The following AR variants were observed in gnomAD, a reference collection of about 807,000 sequenced individuals.
AR encodes androgen receptor.
In AR, 8 loss-of-function variants were observed where a neutral mutation model predicts 53.9. The ratio of observed to expected loss-of-function variants is 0.15; its 90% confidence interval spans 0.09 to 0.27. AR has a LOEUF of 0.27. Among genes scored for constraint, AR ranks in the 10% least tolerant of loss-of-function variants. The probability of loss-of-function intolerance (pLI) is 1.00; values close to 1 mark genes in which losing one functional copy is unlikely to be tolerated. For missense variants in AR, 639 were observed against 742.5 expected, an observed-to-expected ratio of 0.86 and a Z score of 1.62; for synonymous variants, 359 against 316.4, an observed-to-expected ratio of 1.13 and a Z score of -1.43.
At chrX:67,620,224 CACAG>C (rs1005618752) in intron 1 of AR, among the ~76,000 whole-genome samples, 13 of 110,552 alleles carry the variant, frequency 1.2e-4, no homozygotes, top group African/African-American at 3.6e-4. Flanking sequence ...TTTTCCCTGC[CACAG>C]ACAAAGTCAC....
At chrX:67,659,290 A>T in intron 2 of AR, among the ~76,000 whole-genome samples, 1 of 110,118 alleles carries the variant, frequency 9.1e-6, no homozygotes, top group Non-Finnish European at 1.9e-5. Context: ...ATATGTATAC[A>T]TGTGCCATGT....
At chrX:67,630,220 C>T (rs1418623658) in intron 1 of AR, among the ~76,000 whole-genome samples, 7 of 110,750 alleles carry the variant, frequency 6.3e-5, no homozygotes. Context: ...GTTGATCTGT[C>T]TAATGTTGAC....
At chrX:67,596,697 C>G (rs751381959) in intron 1 of AR, among the ~76,000 whole-genome samples, 1 of 111,749 alleles carries the variant, frequency 8.9e-6, no homozygotes, top group South Asian at 3.8e-4. Flanking sequence ...TTTAAGCATA[C>G]ATAGACTAGT....
At chrX:67,650,378 T>C (rs1926277727) in intron 2 of AR, among the ~76,000 whole-genome samples, 1 of 112,159 alleles carries the variant, frequency 8.9e-6, no homozygotes, top group African/African-American at 3.2e-5. Flanking sequence ...CAGAAGCTTC[T>C]TCAGTCCTTT....
intron 1 of AR, among the ~76,000 whole-genome samples, chrX:67,609,800 T>C (rs1247564909): frequency 1.8e-5 from 2 of 111,808 alleles, no homozygotes; most frequent in Non-Finnish European, 3.8e-5. Context: ...CTCCGAAATG[T>C]TGGAAAAACT....
At chrX:67,591,499 T>C (rs912062255) in intron 1 of AR, among the ~76,000 whole-genome samples, 1 of 111,467 alleles carries the variant, frequency 9.0e-6, no homozygotes, top group Non-Finnish European at 1.9e-5. Flanking sequence ...CCTACCTCCA[T>C]TGCGGATGAA....
intron 3 of AR, chrX:67,695,668 A>G: frequency 1.3e-6 from 1 of 752,510 alleles, no homozygotes; most frequent in South Asian, 6.8e-5. Flanking sequence ...GGAAACACAC[A>G]TGTGAGAGTC....
intron 2 of AR, among the ~76,000 whole-genome samples, chrX:67,660,757 A>C (rs867012621): frequency 5.4e-5 from 6 of 111,982 alleles, no homozygotes; most frequent in South Asian, 3.8e-4. Flanking sequence ...GAAGAAAGTC[A>C]TGGGTAGCTT....
intron 3 of AR, among the ~76,000 whole-genome samples, chrX:67,696,551 C>T (rs2076021533): frequency 8.9e-6 from 1 of 111,865 alleles, no homozygotes; most frequent in African/African-American, 3.3e-5. Flanking sequence ...ACTAAATAGT[C>T]CAACATAAAC....
rs1338071304 is a variant in AR, at chrX:67,588,226, C to G, written c.1616+41464C>G. Among the ~76,000 whole-genome samples the G allele has an allele frequency of 2.7e-5, 3 of 112,119 alleles. No individual in the cohort carries two copies. The East Asian group carries it at 8.4e-4, about 32-fold the overall frequency. On this transcript the variant is annotated intron_variant, in intron 1 of 7. Transcript: ENST00000374690. ...TACTGCTTCTTGTACCCAAATCCAT[C>G]TCAAGGGTGAGTAGACCAGGCTCAG...
intron 1 of AR, among the ~76,000 whole-genome samples, chrX:67,612,835 C>G (rs1224768090): frequency 2.7e-5 from 3 of 112,197 alleles, no homozygotes; most frequent in African/African-American, 9.7e-5. Context: ...CTAATCCTTC[C>G]CTTATCTCCA....
At chrX:67,551,420 C>T (rs773759416) in intron 1 of AR, among the ~76,000 whole-genome samples, 71 of 112,016 alleles carry the variant, frequency 6.3e-4, no homozygotes, top group Non-Finnish European at 1.2e-3. Context: ...ATGTTAAATT[C>T]AGAGAAAGTT....
chrX:67,629,606 T>C (rs1192942215), intron 1 of AR, among the ~76,000 whole-genome samples: 1 of 110,685 alleles, frequency 9.0e-6, no homozygotes, highest in Non-Finnish European at 1.9e-5. Context: ...ATTCATTAAT[T>C]TTTTGAAGGG....
chrX:67,620,787 A>C (rs942662961), intron 1 of AR, among the ~76,000 whole-genome samples: 1 of 111,711 alleles, frequency 9.0e-6, no homozygotes, highest in Non-Finnish European at 1.9e-5. Context: ...TATGACAGTA[A>C]ATCTCCTCAG....
intron 2 of AR, among the ~76,000 whole-genome samples, chrX:67,647,721 A>G (rs947398162): frequency 9.0e-6 from 1 of 111,329 alleles, no homozygotes; most frequent in Admixed American, 9.6e-5. Context: ...GGGGTTGGTT[A>G]ACTTTTTTTG....
chrX:67,719,489 T>C (rs1325531044), intron 5 of AR, among the ~76,000 whole-genome samples: 1 of 111,301 alleles, frequency 9.0e-6, no homozygotes. Context: ...TTGTTCATCT[T>C]ATAAAAAGGC....
intron 1 of AR, among the ~76,000 whole-genome samples, chrX:67,560,489 C>T (rs1921249512): frequency 8.9e-6 from 1 of 111,893 alleles, no homozygotes; most frequent in Non-Finnish European, 1.9e-5. Context: ...GGAGTCCTGT[C>T]TTATTTTTTC....
intron 2 of AR, among the ~76,000 whole-genome samples, chrX:67,683,052 A>G: frequency 8.9e-6 from 1 of 112,161 alleles, no homozygotes; most frequent in Middle Eastern, 4.7e-3. Context: ...CCACATATGC[A>G]CAGATAATTC....
intron 2 of AR, among the ~76,000 whole-genome samples, chrX:67,679,190 T>C (rs974874942): frequency 1.8e-5 from 2 of 111,491 alleles, no homozygotes; most frequent in Non-Finnish European, 3.8e-5. Context: ...AAAAACTTGA[T>C]TTAGATGAGC....
Sources: allele counts gnomAD v4.1 joint callset (sites outside exome capture counted in the v4.1 genomes callset), GRCh38; gene constraint gnomAD v4.1.1; transcripts MANE v1.5; gene names NCBI Gene and HGNC (gene_info 2026-07-23, HGNC 2026-07-21).